Variants in RBFOX3 observed in about 807,000 individuals in gnomAD.
RBFOX3 encodes RNA binding fox-1 homolog 3.
Under a neutral mutation model 48.7 loss-of-function variants are expected in RBFOX3, and 17 were observed. That is an observed-to-expected ratio of 0.35 (90% CI 0.24 to 0.52). The LOEUF (loss-of-function observed/expected upper bound fraction) is 0.52. RBFOX3 is among the 20% of genes least tolerant of loss of function. The pLI, the probability that RBFOX3 is intolerant of heterozygous loss-of-function variation, is 0.94. For missense variants in RBFOX3, 382 were observed against 497.5 expected, an observed-to-expected ratio of 0.77 and a Z score of 2.21; for synonymous variants, 212 against 209.5, an observed-to-expected ratio of 1.01 and a Z score of -0.10.
intron 2 of RBFOX3, among the ~76,000 whole-genome samples, chr17:79,370,473 C>G (rs150856937): frequency 1.3e-3 from 203 of 152,252 alleles, no homozygotes; most frequent in Middle Eastern, 6.8e-3. Flanking sequence ...CTAACATACA[C>G]TCACACACGT....
chr17:79,255,473 G>A lies in RBFOX3; in HGVS notation c.-73-19668C>T, dbSNP rs1197429624. Among the ~76,000 whole-genome samples, 4 of 152,098 alleles carry A rather than the reference G, an allele frequency of 2.6e-5. No individual in the cohort carries two copies. The East Asian group carries it at 7.7e-4, about 29-fold the overall frequency. ...CCCAGAGCCCTGGCCCCCCATCTGT[G>A]CTCAGGAACAAGGCTGTGCTTAGGA... On this transcript the variant is annotated intron_variant, in intron 3 of 14. Transcript: ENST00000693108.
At chr17:79,383,033 C>CACACACAT (rs890180855) in intron 2 of RBFOX3, among the ~76,000 whole-genome samples, 4 of 66,256 alleles carry the variant, frequency 6.0e-5, no homozygotes, top group African/African-American at 1.6e-4. Context: ...GCCTCTCAAA[C>CACACACAT]ACACACACAC....
intron 4 of RBFOX3, among the ~76,000 whole-genome samples, chr17:79,215,888 G>A (rs758277224): frequency 1.4e-4 from 21 of 152,256 alleles, no homozygotes; most frequent in Non-Finnish European, 1.5e-4. Flanking sequence ...CCACTCTGGC[G>A]GCTGTGGATG....
chr17:79,499,250 A>G (rs1260003158), intron 1 of RBFOX3, among the ~76,000 whole-genome samples: 1 of 151,448 alleles, frequency 6.6e-6, no homozygotes, highest in East Asian at 2.0e-4. Flanking sequence ...TCACATATCC[A>G]TTCACCTGCC....
At chr17:79,104,603 G>T (rs1314858970) in intron 6 of RBFOX3, among the ~76,000 whole-genome samples, 3 of 152,218 alleles carry the variant, frequency 2.0e-5, no homozygotes, top group Non-Finnish European at 4.4e-5. Flanking sequence ...CACACTAAAG[G>T]GTAAAGGTCT....
rs1338286018 is a variant in RBFOX3, at chr17:79,480,047, G to A, written c.-175+2407C>T. The stretch of plus-strand genomic sequence containing the variant: ...TCTTGGCACAGAGCGACCTGACCAG[G>A]AGCCGTAGTGGATGGCACACCAGTG... On this transcript the variant is annotated intron_variant, in intron 2 of 14. Coordinates refer to ENST00000693108, the MANE Select transcript of RBFOX3 (RefSeq NM_001350451.2). This position sits in a 1 kb window ranked among gnomAD's most constrained non-coding sequence, Gnocchi z 4.8. Among the ~76,000 whole-genome samples the A allele has an allele frequency of 6.6e-6, 1 of 152,168 alleles. No homozygotes were observed. The highest frequency in any genetic ancestry group is 1.5e-5 in the Non-Finnish European group (1 of 68,024).
At chr17:79,488,483 A>G (rs2079995380) in intron 1 of RBFOX3, among the ~76,000 whole-genome samples, 1 of 151,934 alleles carries the variant, frequency 6.6e-6, no homozygotes, top group Non-Finnish European at 1.5e-5. Flanking sequence ...AGCATGCTAC[A>G]CTCCATTCTC....
At chr17:79,509,884 T>G (rs2149833010) in intron 1 of RBFOX3, among the ~76,000 whole-genome samples, 1 of 152,150 alleles carries the variant, frequency 6.6e-6, no homozygotes, top group East Asian at 1.9e-4. Flanking sequence ...GAGCAGGCAC[T>G]GCACTATGTC....
At chr17:79,279,814 C>A (rs1394326310) in intron 3 of RBFOX3, among the ~76,000 whole-genome samples, 1 of 152,108 alleles carries the variant, frequency 6.6e-6, no homozygotes, top group Non-Finnish European at 1.5e-5. Context: ...AAAGGGGATG[C>A]AGGTTAGTGT....
At chr17:79,357,133 C>T (rs564725917) in intron 2 of RBFOX3, among the ~76,000 whole-genome samples, 21 of 152,358 alleles carry the variant, frequency 1.4e-4, no homozygotes, top group Admixed American at 5.9e-4. Context: ...TCGGCCTCCC[C>T]GGGTGCTGTG....
chr17:79,100,431 G>C (rs1356102984), intron 9 of RBFOX3: 2 of 152,232 alleles, frequency 1.3e-5, no homozygotes, highest in Non-Finnish European at 2.9e-5. Context: ...AGCAGGATAT[G>C]AGGCCATGAG....
At position 79,243,199 on chromosome 17, in the gene RBFOX3, T is replaced by G. The variant is rs566916813; in HGVS notation, c.-73-7394A>C. ...AGCTGGTAGCGGTTGCAGCTGAGTT[T>G]GCGCGAGACCCACCTGACCACAACC... On this transcript the variant is annotated intron_variant, in intron 3 of 14. Coordinates refer to ENST00000693108, the MANE Select transcript of RBFOX3 (RefSeq NM_001350451.2). This position sits in a 1 kb window ranked among gnomAD's most constrained non-coding sequence, Gnocchi z 7.9. Among the ~76,000 whole-genome samples the G allele has an allele frequency of 0.023, 267 of 11,776 alleles. 2 individuals are homozygous for G. Among genetic ancestry groups the G allele is most frequent in the African/African-American group, 0.023 (254 of 11,018 alleles). The allele number at this position is 11,776 out of a possible 152,430, so 7.7% of individuals were successfully genotyped here. A position where few individuals can be genotyped will look rare whatever the true frequency, so the allele number is the denominator to read the frequency against.
intron 14 of RBFOX3, chr17:79,092,349 G>A: frequency 3.0e-6 from 3 of 985,578 alleles, no homozygotes; most frequent in Non-Finnish European, 3.6e-6. Context: ...GTCAAAATAG[G>A]AAATCACGGT....
intron 2 of RBFOX3, among the ~76,000 whole-genome samples, chr17:79,437,634 A>G (rs1386978557): frequency 6.6e-6 from 1 of 152,152 alleles, no homozygotes. Context: ...CCATGTGGGG[A>G]TGGAGGGCTG....
intron 2 of RBFOX3, among the ~76,000 whole-genome samples, chr17:79,327,126 C>T (rs1304630738): frequency 6.6e-6 from 1 of 152,238 alleles, no homozygotes; most frequent in Non-Finnish European, 1.5e-5. Context: ...CCAGCCTGGG[C>T]TGGGTACCCC....
intron 3 of RBFOX3, among the ~76,000 whole-genome samples, chr17:79,236,097 CT>C (rs912445039): frequency 2.8e-4 from 42 of 152,212 alleles, no homozygotes; most frequent in Middle Eastern, 6.8e-3. Context: ...CTGGATGTTC[CT>C]TTTTTTCCCC....
chr17:79,286,372 A>G (rs74771486), intron 3 of RBFOX3, among the ~76,000 whole-genome samples: 1 of 152,044 alleles, frequency 6.6e-6, no homozygotes, highest in South Asian at 2.1e-4. Flanking sequence ...TCTGCCCCAG[A>G]AGTATAGAGA....
chr17:79,382,015 A>G (rs1021157014), intron 2 of RBFOX3, among the ~76,000 whole-genome samples: 2 of 152,190 alleles, frequency 1.3e-5, no homozygotes, highest in African/African-American at 4.8e-5. Flanking sequence ...TTCCAACAGC[A>G]GCCGCCAACA....
chr17:79,616,582 AACAC>A, the RBFOX3 span, among the ~76,000 whole-genome samples: 21 of 145,740 alleles, frequency 1.4e-4, no homozygotes, highest in East Asian at 4.1e-4. Context: ...TCTCTATACA[AACAC>A]ACACACACAC....
Sources: allele counts gnomAD v4.1 joint callset (sites outside exome capture counted in the v4.1 genomes callset), GRCh38; gene constraint gnomAD v4.1.1; non-coding constraint Gnocchi (gnomAD v3.1); transcripts MANE v1.5; gene names NCBI Gene and HGNC (gene_info 2026-07-23, HGNC 2026-07-21).